Variants in AMPH observed in about 807,000 individuals in gnomAD.
AMPH encodes amphiphysin (Stiff-Mann syndrome with breast cancer 128kD autoantigen).
In AMPH, 49 loss-of-function variants were observed where a neutral mutation model predicts 99.1. The ratio of observed to expected loss-of-function variants is 0.49; its 90% CI spans 0.39 to 0.63. AMPH has a LOEUF of 0.63. Among genes scored for constraint, AMPH ranks in the 20% least tolerant of loss-of-function variants. The pLI is 0.00. For missense variants in AMPH, 759 were observed against 863.4 expected (o/e 0.88, Z 1.52); for synonymous variants, 314 against 317.3 (o/e 0.99, Z 0.11).
At chr7:38,609,586 A>C (rs1793555420) in intron 1 of AMPH, among the ~76,000 whole-genome samples, 1 of 152,182 alleles carries the variant, frequency 6.6e-6, no homozygotes, top group African/African-American at 2.4e-5. Context: ...CACATTCTCC[A>C]AGTGGACCGA....
chr7:38,601,351 C>A (rs559550820), intron 1 of AMPH, among the ~76,000 whole-genome samples: 1 of 152,328 alleles, frequency 6.6e-6, no homozygotes, highest in East Asian at 1.9e-4. Flanking sequence ...AATAGCATCT[C>A]ATTAAAAGCA....
chr7:38,521,451 G>A (rs915742084), intron 2 of AMPH, among the ~76,000 whole-genome samples: 6 of 152,140 alleles, frequency 3.9e-5, no homozygotes, highest in African/African-American at 7.2e-5. Flanking sequence ...AACCCGGCGG[G>A]CAGAGGTTGC....
chr7:38,579,421 G>T (rs59413007), intron 1 of AMPH, among the ~76,000 whole-genome samples: 1 of 151,990 alleles, frequency 6.6e-6, no homozygotes, highest in Non-Finnish European at 1.5e-5. Flanking sequence ...CTTCAACGTA[G>T]GTATGGGTGA....
rs564103328 is a variant in AMPH at position 38,515,600 on chromosome 7, A to G, written c.151-11896T>C. ...TTTCAGGTAGTTCTTCATAGCAGTG[A>G]GAGAATGAAATAATATGAATAATTG... On this transcript the variant is annotated intron_variant, in intron 2 of 20. Transcript: ENST00000356264. Among the ~76,000 whole-genome samples, 8 of 152,292 alleles carry G rather than the reference A, an allele frequency of 5.3e-5. No homozygotes were observed. In the South Asian group the frequency reaches 1.7e-3, roughly 32 times the overall value.
intron 17 of AMPH, among the ~76,000 whole-genome samples, chr7:38,416,052 G>A (rs75784000): frequency 0.061 from 8,813 of 144,034 alleles, 375 homozygotes; most frequent in East Asian, 0.21. Flanking sequence ...GCCACAGGGT[G>A]TTGAATATTT....
At chr7:38,525,162 T>C (rs1790116326) in intron 2 of AMPH, among the ~76,000 whole-genome samples, 1 of 111,650 alleles carries the variant, frequency 9.0e-6, no homozygotes, top group South Asian at 3.1e-4. Context: ...CTTGTGTGTA[T>C]ATATATATAT....
chr7:38,441,805 T>TCTG (rs1349720657), intron 11 of AMPH, among the ~76,000 whole-genome samples: 5 of 96,348 alleles, frequency 5.2e-5, no homozygotes, highest in Admixed American at 1.4e-4. Context: ...ATATCATATA[T>TCTG]ATATCATATA....
chr7:38,504,499 A>G (rs1196863613), intron 2 of AMPH, among the ~76,000 whole-genome samples: 1 of 152,222 alleles, frequency 6.6e-6, no homozygotes, highest in Non-Finnish European at 1.5e-5. Flanking sequence ...AGAAGGGAAG[A>G]TAGCTGATAC....
chr7:38,395,992 T>C (rs1247269492), intron 17 of AMPH, among the ~76,000 whole-genome samples: 1 of 152,248 alleles, frequency 6.6e-6, no homozygotes, highest in African/African-American at 2.4e-5. Flanking sequence ...AAAAGAAATG[T>C]TAACAGCTAT....
intron 11 of AMPH, among the ~76,000 whole-genome samples, chr7:38,439,957 T>C (rs1342814426): frequency 6.6e-6 from 1 of 152,214 alleles, no homozygotes; most frequent in East Asian, 1.9e-4. Context: ...GGGTTGACCA[T>C]ATGTCATGCT....
chr7:38,499,098 C>G (rs932036352), intron 3 of AMPH, among the ~76,000 whole-genome samples: 2 of 152,186 alleles, frequency 1.3e-5, no homozygotes, highest in Non-Finnish European at 2.9e-5. Flanking sequence ...TCTCTTGCCT[C>G]TCCTAAGGTG....
intron 11 of AMPH, among the ~76,000 whole-genome samples, chr7:38,445,298 C>T (rs1310580658): frequency 1.3e-5 from 2 of 151,906 alleles, no homozygotes; most frequent in Non-Finnish European, 2.9e-5. Context: ...CTAAATGTAA[C>T]ACCTGAAAAT....
intron 11 of AMPH, among the ~76,000 whole-genome samples, chr7:38,442,975 T>C (rs552981954): frequency 5.0e-4 from 76 of 152,198 alleles, no homozygotes; most frequent in South Asian, 2.1e-4. Context: ...GCCAGTCTAA[T>C]TGGAGTAAAA....
chr7:38,620,965 G>A (rs1386872278), intron 1 of AMPH, among the ~76,000 whole-genome samples: 1 of 152,154 alleles, frequency 6.6e-6, no homozygotes, highest in African/African-American at 2.4e-5. Flanking sequence ...CCCAATTAGG[G>A]TCCACTTTGC....
chr7:38,568,184 T>G (rs1350178420), intron 1 of AMPH, among the ~76,000 whole-genome samples: 2 of 152,168 alleles, frequency 1.3e-5, no homozygotes, highest in Admixed American at 1.3e-4. Context: ...AGGTACACCA[T>G]TTACATAATG....
At position 38,394,055 on chromosome 7, in the gene AMPH, C is replaced by T. The variant is rs925841682; in HGVS notation, c.1558G>A (p.Ala520Thr). The T allele has an allele frequency of 3.1e-6, 5 of 1,614,110 alleles. No individual in the cohort carries two copies. Among genetic ancestry groups the T allele is most frequent in the Non-Finnish European group, 4.2e-6 (5 of 1,180,044 alleles). Residue 520 changes from alanine (A) to threonine (T), a missense_variant, in exon 18 of 21, where the codon GCA becomes ACA. Coordinates refer to ENST00000356264, the MANE Select transcript of AMPH (RefSeq NM_001635.4). ...TCTGCTTCAGGTTGGGCACTCTCTG[C>T]ACCCTCAGTGGTTTCAGTTCCAATT... is the stretch of plus-strand genomic sequence containing the variant. ...AKIGTETTEG[A>T]ESAQPEAEEL...
At chr7:38,500,564 C>T (rs780129336) in intron 3 of AMPH, among the ~76,000 whole-genome samples, 51 of 152,226 alleles carry the variant, frequency 3.4e-4, no homozygotes, top group South Asian at 1.0e-3. Context: ...ATAAGCAGCA[C>T]GCTCCACACC....
chr7:38,409,946 T>G (rs1270218864), intron 17 of AMPH, among the ~76,000 whole-genome samples: 1 of 152,248 alleles, frequency 6.6e-6, no homozygotes, highest in Non-Finnish European at 1.5e-5. Flanking sequence ...AGGGGACTTA[T>G]CTTTTAATGC....
At chr7:38,537,489 T>C (rs1167702797) in intron 1 of AMPH, among the ~76,000 whole-genome samples, 1 of 152,176 alleles carries the variant, frequency 6.6e-6, no homozygotes, top group Non-Finnish European at 1.5e-5. Context: ...AAATGTTACA[T>C]GACCAGAATC....
Sources: gnomAD v4.1 joint callset for allele counts (sites outside exome capture counted in the v4.1 genomes callset) on GRCh38, gnomAD v4.1.1 for gene constraint, MANE v1.5 for transcripts, NCBI Gene and HGNC (gene_info 2026-07-23, HGNC 2026-07-21) for gene names.